CBFA2T3: variants seen among roughly 807,000 people sequenced by gnomAD.
CBFA2T3 encodes the protein CBFA2/RUNX1 partner transcriptional co-repressor 3.
In CBFA2T3, 31 loss-of-function variants were observed where a neutral mutation model predicts 58.6. The ratio of observed to expected loss-of-function variants is 0.53; its 90% CI spans 0.40 to 0.71. The LOEUF (loss-of-function observed/expected upper bound fraction) is 0.71. Ranked by LOEUF, CBFA2T3 falls within the 30% of genes least tolerant of loss-of-function variation. CBFA2T3 has a pLI of 0.00. For missense variants in CBFA2T3, 1,076 were observed against 963.1 expected, an observed-to-expected ratio of 1.12 and a Z score of -1.55; for synonymous variants, 531 against 421.9, an observed-to-expected ratio of 1.26 and a Z score of -3.17.
intron 1 of CBFA2T3, among the ~76,000 whole-genome samples, chr16:88,916,054 G>A (rs1309965930): frequency 6.6e-6 from 1 of 152,066 alleles, no homozygotes; most frequent in Non-Finnish European, 1.5e-5. Flanking sequence ...ACACATGGGT[G>A]TATGTGTGCA....
intron 1 of CBFA2T3, among the ~76,000 whole-genome samples, chr16:88,931,384 A>G (rs1481461743): frequency 6.6e-6 from 1 of 152,114 alleles, no homozygotes; most frequent in Non-Finnish European, 1.5e-5. Context: ...ACCCCCTTCC[A>G]GAGACACAAG....
At chr16:88,894,146 TACACACATGCAC>T (rs1407048919) in intron 3 of CBFA2T3, among the ~76,000 whole-genome samples, 1 of 152,096 alleles carries the variant, frequency 6.6e-6, no homozygotes, top group African/African-American at 2.4e-5. Context: ...CCACCACCCT[TACACACATGCAC>T]GCACACATGC....
intron 5 of CBFA2T3, among the ~76,000 whole-genome samples, chr16:88,889,573 T>TG (rs955795319): frequency 2.0e-5 from 3 of 151,920 alleles, no homozygotes; most frequent in African/African-American, 7.3e-5. Flanking sequence ...CTCCACTACC[T>TG]GGGGGGAACC....
chr16:88,970,962 A>G (rs1050694687), intron 1 of CBFA2T3, among the ~76,000 whole-genome samples: 13 of 152,216 alleles, frequency 8.5e-5, no homozygotes, highest in African/African-American at 3.1e-4. Flanking sequence ...CGGCGAGGGC[A>G]TAGCACAGGC....
chr16:88,895,877 C>A (rs1338625368), intron 3 of CBFA2T3, among the ~76,000 whole-genome samples: 1 of 152,194 alleles, frequency 6.6e-6, no homozygotes, highest in African/African-American at 2.4e-5. Flanking sequence ...GTGAGTCAGA[C>A]TCGGCGCCTA....
chr16:88,961,477 A>C (rs562283159), intron 1 of CBFA2T3, among the ~76,000 whole-genome samples: 66 of 147,666 alleles, frequency 4.5e-4, no homozygotes, highest in African/African-American at 1.6e-3. Context: ...AGCGCTGGGC[A>C]TTCCCACTCC....
At chr16:88,941,523 G>C (rs1369482557) in intron 1 of CBFA2T3, among the ~76,000 whole-genome samples, 2 of 148,760 alleles carry the variant, frequency 1.3e-5, no homozygotes, top group African/African-American at 4.9e-5. Flanking sequence ...CTCCGCCACC[G>C]GGGCGGCGCC....
At chr16:88,881,044 C>T (rs988954182) in intron 9 of CBFA2T3, 10 of 703,076 alleles carry the variant, frequency 1.4e-5, no homozygotes, top group Admixed American at 4.1e-5. Flanking sequence ...CAGCATTCGT[C>T]GCTGAGGCGG....
At chr16:88,895,879 C>T (rs1464304393) in intron 3 of CBFA2T3, among the ~76,000 whole-genome samples, 4 of 152,302 alleles carry the variant, frequency 2.6e-5, no homozygotes, top group Admixed American at 6.5e-5. Context: ...GAGTCAGACT[C>T]GGCGCCTAGC....
At chr16:88,899,336 G>C (rs1477942293) in intron 2 of CBFA2T3, among the ~76,000 whole-genome samples, 1 of 152,002 alleles carries the variant, frequency 6.6e-6, no homozygotes, top group African/African-American at 2.4e-5. Flanking sequence ...TGGATTAGGG[G>C]ATAAATCTGA....
intron 1 of CBFA2T3, among the ~76,000 whole-genome samples, chr16:88,917,087 G>GA (rs1016742816): frequency 6.6e-6 from 1 of 151,136 alleles, no homozygotes; most frequent in Admixed American, 6.6e-5. Flanking sequence ...AAAAAAAAAG[G>GA]AAAAAAAGAA....
intron 1 of CBFA2T3, among the ~76,000 whole-genome samples, chr16:88,949,997 T>G (rs1972009526): frequency 6.6e-6 from 1 of 151,800 alleles, no homozygotes; most frequent in South Asian, 2.1e-4. Context: ...TGACAGAGAT[T>G]CTGTCTGAAA....
chr16:88,919,031 C>G (rs1249880773), intron 1 of CBFA2T3, among the ~76,000 whole-genome samples: 2 of 152,206 alleles, frequency 1.3e-5, no homozygotes, highest in Admixed American at 6.5e-5. Flanking sequence ...GTTCTTAGCT[C>G]CCACAATTTA....
intron 1 of CBFA2T3, among the ~76,000 whole-genome samples, chr16:88,919,335 C>A (rs544749367): frequency 2.0e-5 from 3 of 152,212 alleles, no homozygotes; most frequent in African/African-American, 7.2e-5. Flanking sequence ...CTCCTTCATT[C>A]GGTGTACTCT....
Position 88,875,181 on chromosome 16 carries a change from GCA to G in CBFA2T3, c.*1793_*1794del. ...GATGCCAGGCCACGGGCCACACCAC[GCA>G]CACAGATGCCAAGCCACGGGCCACG... On this transcript the variant is annotated 3_prime_UTR_variant, in exon 12 of 12. Transcript: ENST00000268679. 4.3e-6 allele frequency: 1 copy of G among 234,728 alleles called. No homozygotes were observed. Among genetic ancestry groups the G allele is most frequent in the Non-Finnish European group, 8.4e-6 (1 of 118,992 alleles). The allele number at this position is 234,728 out of a possible 1,614,324, so 14.5% of individuals were successfully genotyped here.
Position 88,943,385 on chromosome 16 carries a change from A to G in CBFA2T3, c.151+33272T>C, listed in dbSNP as rs1297723590. On this transcript the variant is annotated intron_variant, in intron 1 of 11. Coordinates refer to ENST00000268679, the MANE Select transcript of CBFA2T3 (RefSeq NM_005187.6). ...CAGTTGCAACATCTCTGACTTACAC[A>G]GGGTGCTCACAACCATTTGAGGAGT... 2.6e-5 allele frequency among the ~76,000 whole-genome samples: 4 copies of G among 152,232 alleles called. No individual in the cohort carries two copies. The East Asian group carries it at 7.7e-4, about 29-fold the overall frequency.
At chr16:88,901,049 G>A (rs1597696806) in intron 2 of CBFA2T3, among the ~76,000 whole-genome samples, 1 of 152,246 alleles carries the variant, frequency 6.6e-6, no homozygotes, top group Non-Finnish European at 1.5e-5. Flanking sequence ...GTCCCTCCAC[G>A]GGGCCTGTAC....
At chr16:88,940,423 G>A (rs1971676939) in intron 1 of CBFA2T3, 1 of 153,044 alleles carries the variant, frequency 6.5e-6, no homozygotes, top group Admixed American at 6.5e-5. Context: ...CCCACAGCCT[G>A]GCTCGGGGCC....
intron 1 of CBFA2T3, among the ~76,000 whole-genome samples, chr16:88,973,317 G>A (rs951171311): frequency 1.3e-5 from 2 of 152,194 alleles, no homozygotes; most frequent in Non-Finnish European, 2.9e-5. Context: ...AAAGACAGAG[G>A]TAGTGGCTGC....
Sources: gnomAD v4.1 joint callset for allele counts (sites outside exome capture counted in the v4.1 genomes callset) on GRCh38, gnomAD v4.1.1 for gene constraint, MANE v1.5 for transcripts, NCBI Gene and HGNC (gene_info 2026-07-23, HGNC 2026-07-21) for gene names.